The following CARD10 variants were observed in gnomAD, a reference collection of about 807,000 sequenced individuals.
CARD10 encodes the protein caspase recruitment domain-containing protein 10.
In CARD10, 49 loss-of-function variants were observed where a neutral mutation model predicts 114.6. The ratio of observed to expected loss-of-function variants is 0.43; its 90% CI spans 0.34 to 0.54. CARD10 has a LOEUF of 0.54. Among genes scored for constraint, CARD10 ranks in the 20% least tolerant of loss-of-function variants. The probability of loss-of-function intolerance (pLI) is 0.03; values close to 1 mark genes in which losing one functional copy is unlikely to be tolerated. For missense variants in CARD10, 1,206 were observed against 1,397.2 expected, an observed-to-expected ratio of 0.86 and a Z score of 2.18; for synonymous variants, 602 against 593.2, an observed-to-expected ratio of 1.01 and a Z score of -0.21.
intron 2 of CARD10, among the ~76,000 whole-genome samples, chr22:37,517,500 G>C (rs1923878802): frequency 6.6e-6 from 1 of 152,042 alleles, no homozygotes; most frequent in Non-Finnish European, 1.5e-5. Context: ...AAATTAGCAG[G>C]GCGTGGTGGC....
chr22:37,505,716 A>T (rs149890281), intron 7 of CARD10, among the ~76,000 whole-genome samples: 272 of 151,084 alleles, frequency 1.8e-3, no homozygotes, highest in Middle Eastern at 6.9e-3. Flanking sequence ...TGGGTCTGGG[A>T]CTCCAGCTCC....
chr22:37,491,909 G>A, intron 18 of CARD10, 42 bp from the exon 19 acceptor site: 1 of 1,379,128 alleles, frequency 7.3e-7, no homozygotes, highest in Non-Finnish European at 1.0e-6. Context: ...CTGGGCCACA[G>A]ACATCAGCCT....
In CARD10 at chr22:37,504,364, C is replaced by T; in HGVS notation, c.1519-63G>A. On this transcript the variant is annotated intron_variant, in intron 8 of 19. Coordinates refer to ENST00000251973, the MANE Select transcript of CARD10 (RefSeq NM_014550.4). Reference sequence around the variant, plus strand: ...CCCAGCACCATCCCAGTCCTCAGCACACCTGGTTTGTGCCCATTCCACAAA... The same window carrying T: ...CCCAGCACCATCCCAGTCCTCAGCATACCTGGTTTGTGCCCATTCCACAAA... 5.6e-6 allele frequency: 7 copies of T among 1,243,852 alleles called. 1 individual carries two copies. The South Asian group carries it at 9.3e-5, about 17-fold the overall frequency. The allele number at this position is 1,243,852 out of a possible 1,614,324, so 77.1% of individuals were successfully genotyped here.
At position 37,490,885 on chromosome 22, in the gene CARD10, C is replaced by T. The variant is rs1478971199; in HGVS notation, c.*274G>A. On this transcript the variant is annotated 3_prime_UTR_variant, in exon 20 of 20. Coordinates refer to ENST00000251973, the MANE Select transcript of CARD10 (RefSeq NM_014550.4). ...AGGGCGAGTGTTTAAGGAGAAGACA[C>T]AGACACACATAAGACCCACTAGTGG... 4 of 515,482 alleles carry T rather than the reference C, an allele frequency of 7.8e-6. No homozygotes were observed. Among genetic ancestry groups the T allele is most frequent in the East Asian group, 3.3e-5 (1 of 30,562 alleles). The allele number at this position is 515,482 out of a possible 1,614,324, so 31.9% of individuals were successfully genotyped here.
At position 37,518,936 on chromosome 22, in the gene CARD10, G is replaced by C. The variant is rs1923934649; in HGVS notation, c.235+30C>G. 4.0e-6 allele frequency: 6 copies of C among 1,503,320 alleles called. No homozygotes were observed. In the South Asian group the frequency reaches 6.2e-5, roughly 16 times the overall value. 93.1% of individuals were successfully genotyped at this position (1,503,320 alleles called of 1,614,324 possible). On this transcript the variant is annotated intron_variant, in intron 1 of 19. Coordinates refer to ENST00000251973, the MANE Select transcript of CARD10 (RefSeq NM_014550.4). Reference sequence around the variant, plus strand: ...GCGCCCCAGGGCACGGCCGGCCCAGGTCGTGGCCCACTCGGGACCCGCGGC... The same window carrying C: ...GCGCCCCAGGGCACGGCCGGCCCAGCTCGTGGCCCACTCGGGACCCGCGGC...
intron 3 of CARD10, chr22:37,510,625 T>C (rs1367835892): frequency 3.5e-6 from 2 of 572,238 alleles, no homozygotes; most frequent in East Asian, 5.7e-5. Flanking sequence ...GAGCAGTGGG[T>C]AGCAAGGCCA....
intron 3 of CARD10, 123 bp downstream of exon 3, chr22:37,515,850 C>G: frequency 1.3e-6 from 1 of 748,334 alleles, no homozygotes; most frequent in South Asian, 1.9e-5. Flanking sequence ...ACACCGAGCA[C>G]TAAAAGGACT....
chr22:37,518,908 G>T, intron 1 of CARD10, 58 bp downstream of exon 1: 1 of 1,464,970 alleles, frequency 6.8e-7, no homozygotes, highest in East Asian at 2.6e-5. Flanking sequence ...GGCTGTGGGC[G>T]CTGCGCCCCA....
chr22:37,518,871 C>A, intron 1 of CARD10, 95 bp downstream of exon 1: 4 of 1,385,924 alleles, frequency 2.9e-6, no homozygotes, highest in Non-Finnish European at 3.8e-6. Flanking sequence ...AGCCCCAGGG[C>A]AGCAGAGCCC....
At chr22:37,495,123 C>A (rs1359824957) in intron 15 of CARD10, among the ~76,000 whole-genome samples, 1 of 152,180 alleles carries the variant, frequency 6.6e-6, no homozygotes, top group African/African-American at 2.4e-5. Flanking sequence ...CCACCACGCC[C>A]GGCTAATTTT....
chr22:37,511,445 AAGGAGG>A (rs1170397762), intron 3 of CARD10, among the ~76,000 whole-genome samples: 2 of 135,200 alleles, frequency 1.5e-5, no homozygotes, highest in Non-Finnish European at 3.2e-5. Context: ...GTAGAAGGAG[AAGGAGG>A]AGGAGGAGAA....
rs540777715 is a variant in CARD10 at position 37,509,225 on chromosome 22, A to G, written c.910-543T>C. On this transcript the variant is annotated intron_variant, in intron 4 of 19. Transcript: ENST00000251973. ...CAATGGCCAGGAGGCAGGCCCATGCAGCTGCTGACCTGCCACTGACCTGCC... is the reference window on the plus strand; with the variant it reads ...CAATGGCCAGGAGGCAGGCCCATGCGGCTGCTGACCTGCCACTGACCTGCC... 61 of 1,281,292 alleles carry G rather than the reference A, an allele frequency of 4.8e-5. No homozygotes were observed. The South Asian group carries it at 1.1e-3, about 22-fold the overall frequency. 79.4% of individuals were successfully genotyped at this position (1,281,292 alleles called of 1,614,324 possible).
chr22:37,492,345 C>G lies in CARD10; in HGVS notation c.2751+90G>C. On this transcript the variant is annotated intron_variant, in intron 18 of 19. Coordinates refer to ENST00000251973, the MANE Select transcript of CARD10 (RefSeq NM_014550.4). The surrounding 1 kb of genome is among the most constrained non-coding windows in gnomAD (Gnocchi z 5.7). ...TGCCAGTGAGCAGCAGAGCATGGCC[C>G]GCGCTCAGACGCTGGCGCTCAAGCC... is the stretch of plus-strand genomic sequence containing the variant. The G allele has an allele frequency of 4.1e-6, 4 of 966,872 alleles. No individual in the cohort carries two copies. The highest frequency in any genetic ancestry group is 2.5e-5 in the East Asian group (1 of 39,682). 59.9% of individuals were successfully genotyped at this position (966,872 alleles called of 1,614,324 possible).
intron 11 of CARD10, among the ~76,000 whole-genome samples, chr22:37,502,076 C>T (rs1923236340): frequency 6.6e-6 from 1 of 152,204 alleles, no homozygotes; most frequent in Non-Finnish European, 1.5e-5. Context: ...AACAGCACGT[C>T]GCCTACAGTG....
intron 3 of CARD10, 61 bp downstream of exon 3, chr22:37,515,912 C>CTACT: frequency 7.3e-7 from 1 of 1,376,986 alleles, no homozygotes. Context: ...GGCTGGCTGG[C>CTACT]TACTACATTG....
intron 3 of CARD10, among the ~76,000 whole-genome samples, chr22:37,511,400 A>G (rs1409454265): frequency 6.8e-5 from 6 of 87,878 alleles, no homozygotes; most frequent in Admixed American, 1.2e-4. Flanking sequence ...GAAGGGGGTG[A>G]GGAGGAGGAG....
chr22:37,518,129 G>T, intron 1 of CARD10, 21 bp from the exon 2 acceptor site: 1 of 1,608,470 alleles, frequency 6.2e-7, no homozygotes. Flanking sequence ...GTGGGGGGAT[G>T]TACCCAGGGT....
intron 11 of CARD10, among the ~76,000 whole-genome samples, chr22:37,498,381 C>T (rs1240896795): frequency 3.3e-5 from 5 of 152,228 alleles, no homozygotes; most frequent in Non-Finnish European, 7.3e-5. Flanking sequence ...TGTGGCCAGG[C>T]TCAGAGACAA....
intron 11 of CARD10, among the ~76,000 whole-genome samples, chr22:37,497,731 G>A (rs1601809910): frequency 6.6e-6 from 1 of 152,150 alleles, no homozygotes; most frequent in South Asian, 2.1e-4. Flanking sequence ...GGGCGTGGTG[G>A]TGGGCGCCTG....
Sources: gnomAD v4.1 joint callset for allele counts (sites outside exome capture counted in the v4.1 genomes callset) on GRCh38, gnomAD v4.1.1 for gene constraint, Gnocchi (gnomAD v3.1) non-coding constraint, MANE v1.5 for transcripts, NCBI Gene and HGNC (gene_info 2026-07-23, HGNC 2026-07-21) for gene names.